Variants in CEP112 observed in about 807,000 individuals in gnomAD.
The protein encoded by CEP112 is centrosomal protein of 112 kDa.
In CEP112, 127 loss-of-function variants were observed where a neutral mutation model predicts 153.0. The observed-to-expected ratio is 0.83, with a 90% CI of 0.72 to 0.96. The LOEUF is 0.96. Among genes scored for constraint, CEP112 ranks in the 40% least tolerant of loss-of-function variants. The pLI, the probability that CEP112 is intolerant of heterozygous loss-of-function variation, is 0.00. For synonymous variants in CEP112, 358 were observed against 374.4 expected (o/e 0.96, Z 0.51); for missense variants, 1,089 against 1,101.2 (o/e 0.99, Z 0.16).
intron 20 of CEP112, among the ~76,000 whole-genome samples, chr17:65,884,183 T>C (rs1224802085): frequency 1.3e-5 from 2 of 152,170 alleles, no homozygotes; most frequent in Non-Finnish European, 2.9e-5. Flanking sequence ...TAGACTCCAG[T>C]GTTCAACGTG....
intron 20 of CEP112, among the ~76,000 whole-genome samples, chr17:65,871,306 G>A (rs1035625771): frequency 2.6e-5 from 4 of 152,096 alleles, no homozygotes; most frequent in Non-Finnish European, 5.9e-5. Flanking sequence ...TCATGTGCAC[G>A]TTTTGGTGCA....
intron 21 of CEP112, among the ~76,000 whole-genome samples, chr17:65,832,682 A>G (rs2057134937): frequency 6.6e-6 from 1 of 152,144 alleles, no homozygotes; most frequent in Non-Finnish European, 1.5e-5. Context: ...ACAGACCAAT[A>G]ACAAACTCCA....
At chr17:65,880,417 A>G (rs887402135) in intron 20 of CEP112, among the ~76,000 whole-genome samples, 6 of 152,214 alleles carry the variant, frequency 3.9e-5, no homozygotes, top group African/African-American at 1.4e-4. Flanking sequence ...AAAACAGGTT[A>G]AAAACCAACA....
At chr17:66,037,504 T>C (rs549618248) in intron 12 of CEP112, among the ~76,000 whole-genome samples, 1 of 152,296 alleles carries the variant, frequency 6.6e-6, no homozygotes, top group East Asian at 1.9e-4. Flanking sequence ...AATGATTAAA[T>C]CATCCTTCTT....
At chr17:65,953,997 T>C (rs1035352276) in intron 18 of CEP112, among the ~76,000 whole-genome samples, 3 of 152,204 alleles carry the variant, frequency 2.0e-5, no homozygotes, top group African/African-American at 4.8e-5. Flanking sequence ...TATAGGACCA[T>C]AGCTGACGCA....
chr17:66,046,033 GTTTT>G (rs35176244), intron 12 of CEP112, among the ~76,000 whole-genome samples: 62,155 of 150,536 alleles, frequency 0.41, 14,203 homozygotes, highest in East Asian at 0.87. Context: ...ACGTTAAAAA[GTTTT>G]TTTTTTCTTT....
At chr17:65,951,349 G>A (rs747236930) in intron 18 of CEP112, among the ~76,000 whole-genome samples, 10 of 152,100 alleles carry the variant, frequency 6.6e-5, no homozygotes, top group Non-Finnish European at 8.8e-5. Context: ...CGCCAGTGAA[G>A]CCATTTGTCT....
In CEP112 at chr17:66,092,560, AAAC is replaced by A. The variant is rs199596241; in HGVS notation, c.768+3688_768+3690del. ...ACACTGACACCAAAACTACACAAGA[AAAC>A]AACAAGAAAGGAAAATTATAGGCCA... On this transcript the variant is annotated intron_variant, in intron 8 of 26. Coordinates refer to ENST00000535342, the MANE Select transcript of CEP112 (RefSeq NM_001199165.4). Among the ~76,000 whole-genome samples the A allele has an allele frequency of 4.3e-3, 649 of 152,290 alleles. 5 individuals carry two copies. The highest frequency in any genetic ancestry group is 0.015 in the African/African-American group (623 of 41,568).
chr17:66,039,239 A>G (rs1291382842), intron 12 of CEP112, among the ~76,000 whole-genome samples: 2 of 152,180 alleles, frequency 1.3e-5, no homozygotes, highest in Non-Finnish European at 2.9e-5. Context: ...TTTTCATCGT[A>G]CAACATCTAC....
At chr17:65,736,421 T>C (rs2050807096) in intron 23 of CEP112, among the ~76,000 whole-genome samples, 1 of 152,030 alleles carries the variant, frequency 6.6e-6, no homozygotes, top group Non-Finnish European at 1.5e-5. Context: ...TGCCCAGTAG[T>C]AGTCAGAAAT....
At chr17:65,876,005 T>C (rs1037248680) in intron 20 of CEP112, among the ~76,000 whole-genome samples, 1 of 152,182 alleles carries the variant, frequency 6.6e-6, no homozygotes, top group African/African-American at 2.4e-5. Context: ...TCTTTCTCCC[T>C]TGCATTTTCT....
In CEP112 at chr17:65,676,233, C is replaced by T. The variant is rs138220728; in HGVS notation, c.2697+12896G>A. On this transcript the variant is annotated intron_variant, in intron 24 of 26. Coordinates refer to ENST00000535342, the MANE Select transcript of CEP112 (RefSeq NM_001199165.4). ...GTGCCAGCTACTTGGGAGGCTGAGG[C>T]AGGGGAATCGCTTGAGCCCAGGAGG... 8.6e-5 allele frequency among the ~76,000 whole-genome samples: 13 copies of T among 150,718 alleles called. No individual in the cohort carries two copies. In the East Asian group the frequency reaches 2.5e-3, roughly 30 times the overall value.
At chr17:65,918,685 A>G (rs1203160764) in intron 19 of CEP112, among the ~76,000 whole-genome samples, 2 of 152,188 alleles carry the variant, frequency 1.3e-5, no homozygotes, top group Non-Finnish European at 2.9e-5. Context: ...GAGGTTTGTG[A>G]AAAGACAATT....
At chr17:65,793,903 G>A (rs2054747407) in intron 21 of CEP112, among the ~76,000 whole-genome samples, 1 of 152,102 alleles carries the variant, frequency 6.6e-6, no homozygotes, top group African/African-American at 2.4e-5. Context: ...ATTTCTCTGT[G>A]AGTGCCCCCA....
chr17:65,995,401 G>A (rs951373772), intron 17 of CEP112, among the ~76,000 whole-genome samples: 1 of 152,158 alleles, frequency 6.6e-6, no homozygotes, highest in African/African-American at 2.4e-5. Flanking sequence ...TGATATAGGT[G>A]GGAAAATAGA....
intron 17 of CEP112, among the ~76,000 whole-genome samples, chr17:65,991,113 A>G (rs1299068251): frequency 6.6e-6 from 1 of 152,222 alleles, no homozygotes; most frequent in African/African-American, 2.4e-5. Context: ...GGTATACAAA[A>G]TAATTCTCTT....
chr17:65,869,990 G>C (rs1328696865), intron 20 of CEP112, among the ~76,000 whole-genome samples: 2 of 111,554 alleles, frequency 1.8e-5, no homozygotes, highest in African/African-American at 6.1e-5. Context: ...GCCTGCAAAA[G>C]AGGACAGTAC....
chr17:65,867,631 T>C (rs1487493969), intron 20 of CEP112, among the ~76,000 whole-genome samples: 1 of 152,208 alleles, frequency 6.6e-6, no homozygotes, highest in South Asian at 2.1e-4. Context: ...AAATTCTTGT[T>C]TTTAGCTATT....
intron 17 of CEP112, among the ~76,000 whole-genome samples, chr17:65,980,523 G>GC (rs1169733721): frequency 2.0e-5 from 3 of 152,138 alleles, no homozygotes; most frequent in African/African-American, 7.2e-5. Flanking sequence ...TCAGACTCAT[G>GC]CCCTTGGAAC....
Sources: allele counts gnomAD v4.1 joint callset (sites outside exome capture counted in the v4.1 genomes callset), GRCh38; gene constraint gnomAD v4.1.1; transcripts MANE v1.5; gene names NCBI Gene and HGNC (gene_info 2026-07-23, HGNC 2026-07-21).